The following C16orf96 variants were observed in gnomAD, a reference collection of about 807,000 sequenced individuals.
The protein encoded by C16orf96 is chromosome 16 open reading frame 96.
Under a neutral mutation model 103.6 loss-of-function variants are expected in C16orf96, and 108 were observed. The ratio of observed to expected loss-of-function variants is 1.04; its 90% CI spans 0.89 to 1.22. The LOEUF is 1.22. C16orf96 is among the 50% of genes most tolerant of loss of function. C16orf96 has a pLI of 0.00. For missense variants in C16orf96, 1,586 were observed against 1,464.2 expected (o/e 1.08, Z -1.36); for synonymous variants, 566 against 593.5 (o/e 0.95, Z 0.67).
chr16:4,588,832 C>T lies in C16orf96; in HGVS notation c.2592+501C>T, dbSNP rs569745536. 1.3e-4 allele frequency among the ~76,000 whole-genome samples: 20 copies of T among 151,238 alleles called. No individual in the cohort carries two copies. In the South Asian group the frequency reaches 4.0e-3, roughly 30 times the overall value. On this transcript the variant is annotated intron_variant, in intron 9 of 15. Transcript: ENST00000444310. ...AGCCTCAGAGAGGTTATTATACTTC[C>T]CTCAGGAAACGCTGCTGCTCATGGT...
At chr16:4,590,282 G>A (rs1212826795) in intron 9 of C16orf96, among the ~76,000 whole-genome samples, 1 of 152,064 alleles carries the variant, frequency 6.6e-6, no homozygotes, top group African/African-American at 2.4e-5. Context: ...TTTTTGGCCA[G>A]GCGCGGTGGC....
intron 14 of C16orf96, among the ~76,000 whole-genome samples, chr16:4,598,895 A>G (rs1442689213): frequency 6.6e-6 from 1 of 152,154 alleles, no homozygotes; most frequent in East Asian, 1.9e-4. Context: ...AGGTGGGAGG[A>G]TAGCTTGAGC....
the C16orf96 span, among the ~76,000 whole-genome samples, chr16:4,549,524 T>C: frequency 6.7e-6 from 1 of 148,258 alleles, no homozygotes; most frequent in Admixed American, 6.8e-5. Context: ...GCACAGTGGC[T>C]CACACCCGTA....
intron 1 of C16orf96, among the ~76,000 whole-genome samples, chr16:4,559,406 C>G (rs981841764): frequency 6.6e-6 from 1 of 151,900 alleles, no homozygotes; most frequent in Non-Finnish European, 1.5e-5. Context: ...AAAAAATTAG[C>G]CAGGCATGGT....
rs1281067491 is a variant in C16orf96 at position 4,575,902 on chromosome 16, C to G, written c.1422C>G (p.Arg474=). 2 of 1,551,560 alleles carry G rather than the reference C, an allele frequency of 1.3e-6. No individual in the cohort carries two copies. Among genetic ancestry groups the G allele is most frequent in the Non-Finnish European group, 1.7e-6 (2 of 1,146,980 alleles). Reference sequence around the variant, plus strand: ...TAAGGGGCCTTCGGGAGAGGGCCCGCAAGGATGGGGCCCCCAAGGATAGAA... The same window carrying G: ...TAAGGGGCCTTCGGGAGAGGGCCCGGAAGGATGGGGCCCCCAAGGATAGAA... The part of the protein sequence containing the change: ...PSLRGLRERA[R]KDGAPKDRTR... The change falls in exon 5 of 16, where the codon CGC becomes CGG. Residue 474 remains arginine (R), a synonymous_variant. Transcript: ENST00000444310.
At chr16:4,585,194 T>C (rs1468450986) in intron 7 of C16orf96, among the ~76,000 whole-genome samples, 1 of 149,848 alleles carries the variant, frequency 6.7e-6, no homozygotes, top group African/African-American at 2.5e-5. Flanking sequence ...TGATGGCTCT[T>C]GTAATCCCAG....
intron 5 of C16orf96, among the ~76,000 whole-genome samples, chr16:4,578,396 G>T (rs978690344): frequency 6.6e-6 from 1 of 152,054 alleles, no homozygotes; most frequent in African/African-American, 2.4e-5. Context: ...ACCTGCCTCG[G>T]CCTCCCACAG....
chr16:4,574,344 T>G (rs928236739), intron 2 of C16orf96, among the ~76,000 whole-genome samples: 1 of 152,184 alleles, frequency 6.6e-6, no homozygotes, highest in Non-Finnish European at 1.5e-5. Flanking sequence ...TGCCTCAGCT[T>G]CCTGATAGCT....
At chr16:4,570,655 A>T (rs2059427905) in intron 1 of C16orf96, among the ~76,000 whole-genome samples, 1 of 151,932 alleles carries the variant, frequency 6.6e-6, no homozygotes, top group Admixed American at 6.6e-5. Flanking sequence ...TTTAGTAGAA[A>T]CAGGGTTTCA....
At position 4,600,294 on chromosome 16, in the gene C16orf96, C is replaced by T. The variant is rs931663658; in HGVS notation, c.3403C>T (p.Pro1135Ser). The T allele has an allele frequency of 1.3e-6, 2 of 1,550,202 alleles. No homozygotes were observed. Among genetic ancestry groups the T allele is most frequent in the Non-Finnish European group, 1.7e-6 (2 of 1,146,834 alleles). Residue 1135 changes from proline to serine, a missense_variant, in exon 16 of 16, where the codon CCC becomes TCC. Transcript: ENST00000444310. ...HIESRVGRKP[P>S]EEPANP ...TGAGTCCCGAGTCGGCAGGAAGCCCCCCGAGGAGCCCGCCAACCCGTGAGC... is the reference window on the plus strand; with the variant it reads ...TGAGTCCCGAGTCGGCAGGAAGCCCTCCGAGGAGCCCGCCAACCCGTGAGC...
the C16orf96 span, among the ~76,000 whole-genome samples, chr16:4,548,552 A>G: frequency 6.6e-6 from 1 of 152,158 alleles, no homozygotes; most frequent in Non-Finnish European, 1.5e-5. Flanking sequence ...TGGGGCTCCC[A>G]AGAACTTTTG....
In C16orf96 at chr16:4,588,347, T is replaced by A. The variant is rs1450561105; in HGVS notation, c.2592+16T>A. ...GAACACCAAGGTGAATGCCCCCATG[T>A]TGATTTTCACTTTATTCCTAACAAA... On this transcript the variant is annotated intron_variant, in intron 9 of 15. Transcript: ENST00000444310. 6.5e-7 allele frequency: 1 copy of A among 1,540,404 alleles called. No individual in the cohort carries two copies. The highest frequency in any genetic ancestry group is 2.0e-5 in the Admixed American group (1 of 50,518).
At chr16:4,543,292 G>A in the C16orf96 span, among the ~76,000 whole-genome samples, 1 of 152,148 alleles carries the variant, frequency 6.6e-6, no homozygotes, top group Admixed American at 6.6e-5. Context: ...CACAGAGTGT[G>A]TGGGGAAATG....
At chr16:4,546,697 C>CT in the C16orf96 span, among the ~76,000 whole-genome samples, 3 of 151,958 alleles carry the variant, frequency 2.0e-5, no homozygotes, top group Non-Finnish European at 4.4e-5. Context: ...AACTCCTGGG[C>CT]TCAAGCAGTC....
chr16:4,585,291 C>CA (rs1555506767), intron 7 of C16orf96, among the ~76,000 whole-genome samples: 1,573 of 17,146 alleles, frequency 0.092, 147 homozygotes, highest in African/African-American at 0.13. Context: ...CCTGTCTCTA[C>CA]AAAAAAAAAA....
At chr16:4,579,273 G>A (rs565115041) in intron 6 of C16orf96, among the ~76,000 whole-genome samples, 110 of 152,164 alleles carry the variant, frequency 7.2e-4, no homozygotes, top group Admixed American at 1.2e-3. Flanking sequence ...GGCAGGTGAA[G>A]CCGGTGCGGT....
intron 7 of C16orf96, among the ~76,000 whole-genome samples, chr16:4,582,829 G>C (rs1404494091): frequency 6.6e-6 from 1 of 152,166 alleles, no homozygotes; most frequent in Non-Finnish European, 1.5e-5. Flanking sequence ...GTCCGTAGTT[G>C]TCACTTATTA....
At chr16:4,558,869 C>T (rs975353109) in intron 1 of C16orf96, among the ~76,000 whole-genome samples, 1 of 147,280 alleles carries the variant, frequency 6.8e-6, no homozygotes, top group Non-Finnish European at 1.5e-5. Flanking sequence ...GAGCCGAGAT[C>T]GCACCACTGC....
the C16orf96 span, among the ~76,000 whole-genome samples, chr16:4,549,604 C>G: frequency 6.6e-6 from 1 of 151,904 alleles, no homozygotes; most frequent in Admixed American, 6.6e-5. Context: ...TCAAAACCAG[C>G]CTGGCCAACA....
Sources: gnomAD v4.1 joint callset for allele counts (sites outside exome capture counted in the v4.1 genomes callset) on GRCh38, gnomAD v4.1.1 for gene constraint, MANE v1.5 for transcripts, NCBI Gene and HGNC (gene_info 2026-07-23, HGNC 2026-07-21) for gene names.